Variants in CRIM1 observed in about 807,000 individuals in gnomAD.
CRIM1 encodes cysteine rich transmembrane BMP regulator 1.
Under a neutral mutation model 116.4 loss-of-function variants are expected in CRIM1, and 32 were observed. That is an observed-to-expected ratio of 0.27 (90% CI 0.21 to 0.37). The LOEUF (loss-of-function observed/expected upper bound fraction) is 0.37, where lower values mean the gene tolerates loss of function less well. Ranked by LOEUF, CRIM1 falls within the 10% of genes least tolerant of loss-of-function variation. CRIM1 has a pLI of 1.00. For synonymous variants in CRIM1, 590 were observed against 509.2 expected (o/e 1.16, Z -2.13); for missense variants, 1,331 against 1,354.8 (o/e 0.98, Z 0.28).
intron 1 of CRIM1, among the ~76,000 whole-genome samples, chr2:36,362,540 G>A (rs934772587): frequency 3.3e-5 from 5 of 152,120 alleles, no homozygotes; most frequent in Admixed American, 2.0e-4. Context: ...TTCACTAGGC[G>A]GATAAGCGTG....
chr2:36,540,627 TGAA>T (rs919542589), intron 14 of CRIM1, among the ~76,000 whole-genome samples: 16 of 152,170 alleles, frequency 1.1e-4, no homozygotes, highest in African/African-American at 3.9e-4. Flanking sequence ...AATTATCAAA[TGAA>T]GAGTGTAGAT....
rs111699580 is a variant in CRIM1, at chr2:36,394,962, G to A, written c.332-1652G>A. Among the ~76,000 whole-genome samples, 388 of 149,964 alleles carry A rather than the reference G, an allele frequency of 2.6e-3. 1 individual carries two copies. The highest frequency in any genetic ancestry group is 8.8e-3 in the African/African-American group (362 of 40,912). ...ACTTACGTACTGAGCAATGATGCCA[G>A]CAATAAAAGCTTACCCTATAAAAAT... On this transcript the variant is annotated intron_variant, in intron 1 of 16. Transcript: ENST00000280527.
intron 4 of CRIM1, among the ~76,000 whole-genome samples, chr2:36,458,881 C>T (rs1286073706): frequency 1.3e-5 from 2 of 152,182 alleles, no homozygotes; most frequent in East Asian, 3.8e-4. Flanking sequence ...GTTTAAGTAG[C>T]TTGCTAGCAG....
At chr2:36,442,129 T>C (rs1675885955) in intron 3 of CRIM1, among the ~76,000 whole-genome samples, 1 of 152,234 alleles carries the variant, frequency 6.6e-6, no homozygotes, top group Non-Finnish European at 1.5e-5. Context: ...TCCTTGCTCT[T>C]GTGGCAGCAT....
intron 1 of CRIM1, among the ~76,000 whole-genome samples, chr2:36,357,026 A>G (rs1668875160): frequency 6.6e-6 from 1 of 152,114 alleles, no homozygotes; most frequent in Admixed American, 6.5e-5. Context: ...CCCTCCCCGC[A>G]CTGGCGCAGT....
At chr2:36,522,677 C>G (rs888075356) in intron 13 of CRIM1, among the ~76,000 whole-genome samples, 1 of 151,604 alleles carries the variant, frequency 6.6e-6, no homozygotes, top group Non-Finnish European at 1.5e-5. Flanking sequence ...TGGCACACAC[C>G]TGTAATCCCA....
intron 1 of CRIM1, among the ~76,000 whole-genome samples, chr2:36,376,247 A>T (rs1670308986): frequency 1.3e-5 from 2 of 152,084 alleles, no homozygotes; most frequent in South Asian, 4.2e-4. Context: ...TTTTGTTTTT[A>T]TTTATTGCCA....
At chr2:36,458,474 G>A (rs1439456272) in intron 4 of CRIM1, among the ~76,000 whole-genome samples, 1 of 152,032 alleles carries the variant, frequency 6.6e-6, no homozygotes, top group Non-Finnish European at 1.5e-5. Flanking sequence ...AGTTATGTAG[G>A]GTCTGAAACA....
At chr2:36,502,646 A>AT (rs1384691842) in intron 8 of CRIM1, among the ~76,000 whole-genome samples, 1 of 152,230 alleles carries the variant, frequency 6.6e-6, no homozygotes, top group East Asian at 1.9e-4. Context: ...CTTCTGTAGC[A>AT]TAAACACTCA....
In CRIM1 at chr2:36,475,122, A is replaced by G. The variant is rs74846502; in HGVS notation, c.992-1767A>G. 2.2e-3 allele frequency among the ~76,000 whole-genome samples: 333 copies of G among 152,318 alleles called. 10 individuals are homozygous for G. In the East Asian group the frequency reaches 0.056, roughly 26 times the overall value. On this transcript the variant is annotated intron_variant, in intron 5 of 16. Coordinates refer to ENST00000280527, the MANE Select transcript of CRIM1 (RefSeq NM_016441.3). ...TATGAATTTTATGATCAGCTTATCA[A>G]TTTCTACAAAAGAGCCAGCTAGGAG...
chr2:36,375,579 T>G (rs1004178547), intron 1 of CRIM1, among the ~76,000 whole-genome samples: 41 of 152,258 alleles, frequency 2.7e-4, no homozygotes, highest in African/African-American at 9.4e-4. Context: ...AATTTTTGTT[T>G]CTGAATTATA....
At position 36,521,562 on chromosome 2, in the gene CRIM1, T is replaced by C. The variant is rs1665392716; in HGVS notation, c.2207-530T>C. 2.0e-5 allele frequency among the ~76,000 whole-genome samples: 3 copies of C among 152,214 alleles called. No homozygotes were observed. In the South Asian group the frequency reaches 6.2e-4, roughly 31 times the overall value. On this transcript the variant is annotated intron_variant, in intron 12 of 16. Coordinates refer to ENST00000280527, the MANE Select transcript of CRIM1 (RefSeq NM_016441.3). Reference sequence around the variant, plus strand: ...AGTGGCTCAGTGGGGTCAAGGCCTTTCTCTTCTGATAGGGGTGTCACAGCC... The same window carrying C: ...AGTGGCTCAGTGGGGTCAAGGCCTTCCTCTTCTGATAGGGGTGTCACAGCC...
At chr2:36,453,412 G>A (rs995240364) in intron 4 of CRIM1, among the ~76,000 whole-genome samples, 4 of 152,228 alleles carry the variant, frequency 2.6e-5, no homozygotes, top group Admixed American at 2.0e-4. Context: ...ATCATGAAGA[G>A]TTTTAATGAT....
intron 1 of CRIM1, among the ~76,000 whole-genome samples, chr2:36,365,065 A>G (rs1669499413): frequency 6.6e-6 from 1 of 152,136 alleles, no homozygotes; most frequent in Non-Finnish European, 1.5e-5. Context: ...CAAATGTCAG[A>G]TGTTTGTCAA....
At chr2:36,387,832 T>C (rs1671279445) in intron 1 of CRIM1, among the ~76,000 whole-genome samples, 1 of 152,194 alleles carries the variant, frequency 6.6e-6, no homozygotes, top group African/African-American at 2.4e-5. Flanking sequence ...CAAGAACCAG[T>C]TTTTTAATTT....
At chr2:36,530,697 T>C (rs1666054937) in intron 13 of CRIM1, among the ~76,000 whole-genome samples, 1 of 152,230 alleles carries the variant, frequency 6.6e-6, no homozygotes, top group African/African-American at 2.4e-5. Flanking sequence ...CTCCCCTTTC[T>C]AAATCTCATG....
At chr2:36,459,193 G>A (rs1379422266) in intron 4 of CRIM1, among the ~76,000 whole-genome samples, 1 of 152,090 alleles carries the variant, frequency 6.6e-6, no homozygotes, top group African/African-American at 2.4e-5. Flanking sequence ...CCCATCAGCA[G>A]ACTCTCCTGG....
At chr2:36,379,742 CTT>C (rs760969263) in intron 1 of CRIM1, among the ~76,000 whole-genome samples, 34 of 106,358 alleles carry the variant, frequency 3.2e-4, no homozygotes, top group African/African-American at 9.1e-4. Context: ...TTCTTTCTCT[CTT>C]TTTTTTTTTT....
At chr2:36,498,945 G>A (rs553054846) in intron 7 of CRIM1, among the ~76,000 whole-genome samples, 1 of 152,368 alleles carries the variant, frequency 6.6e-6, no homozygotes, top group East Asian at 1.9e-4. Flanking sequence ...GCTTCCAGTA[G>A]TGGTGACCAT....
Sources: allele counts gnomAD v4.1 joint callset (sites outside exome capture counted in the v4.1 genomes callset), GRCh38; gene constraint gnomAD v4.1.1; transcripts MANE v1.5; gene names NCBI Gene and HGNC (gene_info 2026-07-23, HGNC 2026-07-21).